Variants in PLCL1 observed in about 807,000 individuals in gnomAD.
PLCL1 encodes the protein phospholipase C like 1 (inactive), also known as inactive phospholipase C-like protein 1.
In PLCL1, 41 loss-of-function variants were observed where a neutral mutation model predicts 84.4. The observed-to-expected ratio is 0.49, with a 90% CI of 0.38 to 0.63. PLCL1 has a LOEUF of 0.63. Ranked by LOEUF, PLCL1 falls within the 30% of genes least tolerant of loss-of-function variation. The pLI, the probability that PLCL1 is intolerant of heterozygous loss-of-function variation, is 0.00. For missense variants in PLCL1, 1,206 were observed against 1,367.8 expected (o/e 0.88, Z 1.87); for synonymous variants, 490 against 488.3 (o/e 1.00, Z -0.05).
chr2:197,927,734 A>G (rs577384802), intron 1 of PLCL1, among the ~76,000 whole-genome samples: 2 of 152,316 alleles, frequency 1.3e-5, no homozygotes, highest in Non-Finnish European at 2.9e-5. Flanking sequence ...TCATGGGTCA[A>G]ACTTTTGATT....
chr2:198,050,374 T>G (rs1413565743), intron 1 of PLCL1, among the ~76,000 whole-genome samples: 1 of 152,118 alleles, frequency 6.6e-6, no homozygotes, highest in Non-Finnish European at 1.5e-5. Flanking sequence ...TTGAGGATCC[T>G]TTATCCCTCT....
At chr2:198,117,889 G>A (rs1436092307) in intron 5 of PLCL1, among the ~76,000 whole-genome samples, 4 of 151,730 alleles carry the variant, frequency 2.6e-5, no homozygotes, top group Admixed American at 2.6e-4. Context: ...CTTCCTTCCT[G>A]TTCTCCTTTA....
At chr2:198,014,680 A>G (rs1018378413) in intron 1 of PLCL1, among the ~76,000 whole-genome samples, 1 of 152,138 alleles carries the variant, frequency 6.6e-6, no homozygotes, top group South Asian at 2.1e-4. Context: ...GACTGCATAA[A>G]CAATTCTTGC....
intron 1 of PLCL1, among the ~76,000 whole-genome samples, chr2:198,001,434 A>G (rs1400370678): frequency 1.3e-5 from 2 of 152,100 alleles, no homozygotes; most frequent in African/African-American, 4.8e-5. Context: ...AATAAAAGAG[A>G]ACCTCCTAGA....
At chr2:197,855,720 A>T (rs1183234273) in intron 1 of PLCL1, among the ~76,000 whole-genome samples, 1 of 152,116 alleles carries the variant, frequency 6.6e-6, no homozygotes, top group Non-Finnish European at 1.5e-5. Context: ...CTTGTTCCAC[A>T]TCACTTCTCC....
chr2:197,999,163 G>A (rs1443446075), intron 1 of PLCL1, among the ~76,000 whole-genome samples: 1 of 152,070 alleles, frequency 6.6e-6, no homozygotes, highest in Non-Finnish European at 1.5e-5. Context: ...CAAGACCAGG[G>A]TCCCTAAAGG....
chr2:197,851,396 T>C (rs188762950), intron 1 of PLCL1, among the ~76,000 whole-genome samples: 42 of 152,348 alleles, frequency 2.8e-4, no homozygotes, highest in African/African-American at 9.4e-4. Flanking sequence ...CAATCTAGAA[T>C]CTGAAGAGTT....
At chr2:198,046,553 C>T (rs1310302450) in intron 1 of PLCL1, among the ~76,000 whole-genome samples, 2 of 152,078 alleles carry the variant, frequency 1.3e-5, no homozygotes, top group Admixed American at 6.6e-5. Flanking sequence ...ATCAAAAAAC[C>T]CTTTTCAGGC....
chr2:197,938,551 C>G (rs1276737211), intron 1 of PLCL1, among the ~76,000 whole-genome samples: 1 of 152,116 alleles, frequency 6.6e-6, no homozygotes, highest in Non-Finnish European at 1.5e-5. Context: ...TTTGGGTTGT[C>G]CTACCATCCT....
At chr2:198,111,192 A>G (rs372406450) in intron 5 of PLCL1, among the ~76,000 whole-genome samples, 23 of 151,996 alleles carry the variant, frequency 1.5e-4, no homozygotes, top group Middle Eastern at 3.4e-3. Flanking sequence ...ACAATGGCTT[A>G]TTTCTTGCTT....
chr2:197,857,370 G>A (rs1687349782), intron 1 of PLCL1, among the ~76,000 whole-genome samples: 2 of 152,198 alleles, frequency 1.3e-5, no homozygotes, highest in South Asian at 2.1e-4. Flanking sequence ...TTCTCCAGCA[G>A]CTTAATTTTT....
At chr2:197,956,429 T>C (rs1213869982) in intron 1 of PLCL1, among the ~76,000 whole-genome samples, 1 of 152,184 alleles carries the variant, frequency 6.6e-6, no homozygotes, top group Non-Finnish European at 1.5e-5. Context: ...CTTTTGGGTA[T>C]ATACCCAGTA....
rs1014194012 is a variant in PLCL1, at chr2:198,089,148, A to C, written c.2919+87A>C. ...GGACTCCTCTGTGGAACTCCAATGAATAACACAGGGTGACTACCTTTGAAA... is the reference window on the plus strand; with the variant it reads ...GGACTCCTCTGTGGAACTCCAATGACTAACACAGGGTGACTACCTTTGAAA... On this transcript the variant is annotated intron_variant, in intron 3 of 5. Coordinates refer to ENST00000428675, the MANE Select transcript of PLCL1 (RefSeq NM_006226.4). 3 of 930,688 alleles carry C rather than the reference A, an allele frequency of 3.2e-6. No individual in the cohort carries two copies. The East Asian group carries it at 7.2e-5, about 22-fold the overall frequency. The allele number at this position is 930,688 out of a possible 1,614,324, so 57.7% of individuals were successfully genotyped here. A position where few individuals can be genotyped will look rare whatever the true frequency, so the allele number is the denominator to read the frequency against.
intron 5 of PLCL1, among the ~76,000 whole-genome samples, chr2:198,136,940 T>A (rs1441838643): frequency 1.3e-5 from 2 of 152,158 alleles, no homozygotes; most frequent in African/African-American, 4.8e-5. Flanking sequence ...TTCCAAACCC[T>A]GTACCCACAC....
At chr2:198,117,566 G>T (rs1462184886) in intron 5 of PLCL1, among the ~76,000 whole-genome samples, 1 of 151,668 alleles carries the variant, frequency 6.6e-6, no homozygotes, top group Non-Finnish European at 1.5e-5. Flanking sequence ...ATCATGGATG[G>T]TTACACACCG....
intron 1 of PLCL1, among the ~76,000 whole-genome samples, chr2:197,827,460 C>A (rs1206769559): frequency 6.6e-6 from 1 of 151,844 alleles, no homozygotes; most frequent in Non-Finnish European, 1.5e-5. Context: ...GTGCTTTCTT[C>A]GAAACTGGCA....
intron 1 of PLCL1, among the ~76,000 whole-genome samples, chr2:198,069,970 T>C (rs1327024792): frequency 6.6e-6 from 1 of 152,152 alleles, no homozygotes; most frequent in Non-Finnish European, 1.5e-5. Flanking sequence ...GGTGAACTAA[T>C]GTATACTTTC....
At chr2:197,882,918 C>T (rs376689371) in intron 1 of PLCL1, among the ~76,000 whole-genome samples, 5 of 152,114 alleles carry the variant, frequency 3.3e-5, no homozygotes, top group Admixed American at 6.6e-5. Context: ...ACATTATGGA[C>T]GTATTTTACA....
rs142915380 is a variant in PLCL1 at position 198,129,123 on chromosome 2, T to C, written c.3106-17657T>C. On this transcript the variant is annotated intron_variant, in intron 5 of 5. Transcript: ENST00000428675. ...GTATTTTACCCCAAAATATATTTCT[T>C]TGACATATTTTTAAATGGCCCTGCA... is the stretch of plus-strand genomic sequence containing the variant. Among the ~76,000 whole-genome samples, 454 of 152,284 alleles carry C rather than the reference T, an allele frequency of 3.0e-3. 2 individuals are homozygous for C. The highest frequency in any genetic ancestry group is 3.4e-3 in the Non-Finnish European group (231 of 68,020).
Sources: gnomAD v4.1 joint callset for allele counts (sites outside exome capture counted in the v4.1 genomes callset) on GRCh38, gnomAD v4.1.1 for gene constraint, MANE v1.5 for transcripts, NCBI Gene and HGNC (gene_info 2026-07-23, HGNC 2026-07-21) for gene names.